RBFOX1: variants seen among roughly 807,000 people sequenced by gnomAD.
The protein encoded by RBFOX1 is RNA binding protein fox-1 homolog 1.
RBFOX1 carries 8 observed loss-of-function variants against 57.7 expected under a neutral mutation model. The observed-to-expected ratio is 0.14, with a 90% confidence interval of 0.08 to 0.25. RBFOX1 has a LOEUF of 0.25. Ranked by LOEUF, RBFOX1 falls within the 10% of genes least tolerant of loss-of-function variation. The probability of loss-of-function intolerance (pLI) is 1.00; values close to 1 mark genes in which losing one functional copy is unlikely to be tolerated. For synonymous variants in RBFOX1, 326 were observed against 222.4 expected, an observed-to-expected ratio of 1.47 and a Z score of -4.15; for missense variants, 611 against 548.5, an observed-to-expected ratio of 1.11 and a Z score of -1.14.
chr16:6,497,556 G>GTTT (rs112257418), intron 2 of RBFOX1, among the ~76,000 whole-genome samples: 1 of 64,684 alleles, frequency 1.5e-5, no homozygotes, highest in Non-Finnish European at 3.5e-5. Flanking sequence ...GATTTTTGAA[G>GTTT]TTTTTAAAAA....
At chr16:5,603,355 G>A (rs1409446745), downstream of RBFOX1, among the ~76,000 whole-genome samples, 3 of 152,056 alleles carry the variant, frequency 2.0e-5, no homozygotes, top group Non-Finnish European at 4.4e-5. Flanking sequence ...GGGAAACTGA[G>A]GCTCAGAAGG....
intron 4 of RBFOX1, among the ~76,000 whole-genome samples, chr16:7,245,149 A>T (rs1223069182): frequency 6.6e-6 from 1 of 152,184 alleles, no homozygotes; most frequent in Non-Finnish European, 1.5e-5. Context: ...TATTGATAAC[A>T]TAGAACAGTG....
exon 3 of RBFOX1, chr16:5,599,327 C>T (rs145712833): frequency 0.017 from 10,189 of 616,474 alleles, 142 homozygotes; most frequent in South Asian, 0.04. Context: ...AGTCGAATGT[C>T]ATTGGGTTGT....
intron 2 of RBFOX1, among the ~76,000 whole-genome samples, chr16:6,426,248 G>T (rs1212524208): frequency 1.3e-5 from 2 of 151,856 alleles, no homozygotes; most frequent in African/African-American, 4.8e-5. Context: ...TAGAAAGGCA[G>T]GTTCAAAAAC....
At chr16:7,219,864 A>T (rs1028158295) in intron 4 of RBFOX1, among the ~76,000 whole-genome samples, 1 of 152,214 alleles carries the variant, frequency 6.6e-6, no homozygotes, top group South Asian at 2.1e-4. Context: ...GAGTGTATTT[A>T]TATAAAGAAG....
intron 3 of RBFOX1, among the ~76,000 whole-genome samples, chr16:5,818,474 T>C (rs950223829): frequency 1.3e-5 from 2 of 152,186 alleles, no homozygotes; most frequent in Admixed American, 6.5e-5. Context: ...ATAAGTTTTT[T>C]GAGCACCAGC....
rs763558911 is a variant in RBFOX1, at chr16:6,959,751, A to G, written c.-15-92306A>G. Among the ~76,000 whole-genome samples the G allele has an allele frequency of 2.0e-5, 3 of 152,168 alleles. No individual in the cohort carries two copies. In the South Asian group the frequency reaches 6.2e-4, roughly 32 times the overall value. On this transcript the variant is annotated intron_variant, in intron 3 of 15. Transcript: ENST00000550418. ...CAGGAGTTCGAGACCAGCCTGGCCA[A>G]CATGGTGAAACCCCGTTTCTACCAA...
At chr16:6,637,787 G>T (rs564990642) in intron 2 of RBFOX1, among the ~76,000 whole-genome samples, 1 of 151,938 alleles carries the variant, frequency 6.6e-6, no homozygotes, top group East Asian at 1.9e-4. Context: ...TTATTTAGCA[G>T]GAGGGCAGGA....
intron 4 of RBFOX1, among the ~76,000 whole-genome samples, chr16:7,454,438 G>T (rs1598814407): frequency 6.6e-6 from 1 of 152,280 alleles, no homozygotes. Context: ...TCGTGTTCTA[G>T]CCCTGCAGCT....
chr16:5,337,980 G>A (rs1431415317), intron 1 of RBFOX1, among the ~76,000 whole-genome samples: 1 of 152,172 alleles, frequency 6.6e-6, no homozygotes, highest in East Asian at 1.9e-4. Context: ...GGAGATTGAG[G>A]CTGCAGTGAA....
rs375098706 is a variant in RBFOX1 at position 7,189,007 on chromosome 16, G to A, written c.27+136909G>A. 4.1e-4 allele frequency among the ~76,000 whole-genome samples: 63 copies of A among 152,270 alleles called. No individual in the cohort carries two copies. The South Asian group carries it at 0.013, about 32-fold the overall frequency. ...TTGGTTCAAGAACATCAGGCTAGAG[G>A]CAAGTCAAGACCTTAAGGCATTTGG... On this transcript the variant is annotated intron_variant, in intron 4 of 15. Coordinates refer to ENST00000550418, the MANE Select transcript of RBFOX1 (RefSeq NM_018723.4).
In RBFOX1 at chr16:7,311,001, C is replaced by T. The variant is rs570738786; in HGVS notation, c.28-207146C>T. Among the ~76,000 whole-genome samples, 14 of 152,324 alleles carry T rather than the reference C, an allele frequency of 9.2e-5. No homozygotes were observed. In the East Asian group the frequency reaches 1.5e-3, roughly 17 times the overall value. Reference sequence around the variant, plus strand: ...TTGCCTGGGAATCCTCTGCCGTGTCCGGTCTGGAATTACTCCTTCCGCTAC... The same window carrying T: ...TTGCCTGGGAATCCTCTGCCGTGTCTGGTCTGGAATTACTCCTTCCGCTAC... On this transcript the variant is annotated intron_variant, in intron 4 of 15. Transcript: ENST00000550418.
chr16:7,507,861 C>T (rs1567573241), intron 4 of RBFOX1, among the ~76,000 whole-genome samples: 2 of 152,010 alleles, frequency 1.3e-5, no homozygotes, highest in East Asian at 3.9e-4. Context: ...CGGCGCCCGG[C>T]CGGAATCTGT....
chr16:5,480,085 GC>G (rs2069472703), intron 2 of RBFOX1, among the ~76,000 whole-genome samples: 1 of 152,182 alleles, frequency 6.6e-6, no homozygotes, highest in South Asian at 2.1e-4. Context: ...GTCCAGGGTG[GC>G]TCACATGCTT....
chr16:7,307,623 A>G (rs76482966), intron 4 of RBFOX1, among the ~76,000 whole-genome samples: 3,042 of 152,262 alleles, frequency 0.02, 114 homozygotes, highest in African/African-American at 0.07. Flanking sequence ...CTCCACATCC[A>G]AGATGTTACT....
At chr16:6,306,337 A>C (rs1473353243) in intron 1 of RBFOX1, among the ~76,000 whole-genome samples, 3 of 152,170 alleles carry the variant, frequency 2.0e-5, no homozygotes, top group African/African-American at 4.8e-5. Flanking sequence ...CTTTCCCTTC[A>C]AGCCCTGCTG....
chr16:5,771,463 C>A (rs2053973888), intron 3 of RBFOX1, among the ~76,000 whole-genome samples: 1 of 152,322 alleles, frequency 6.6e-6, no homozygotes, highest in South Asian at 2.1e-4. Context: ...GGCTGGAGTG[C>A]AGTAGAATGA....
intron 1 of RBFOX1, among the ~76,000 whole-genome samples, chr16:6,130,560 A>T (rs577031156): frequency 1.8e-4 from 27 of 152,264 alleles, no homozygotes; most frequent in African/African-American, 6.3e-4. Flanking sequence ...TGGACTAAAC[A>T]CTCCACTTAA....
At chr16:6,496,634 A>G (rs543168668) in intron 2 of RBFOX1, among the ~76,000 whole-genome samples, 29 of 152,120 alleles carry the variant, frequency 1.9e-4, no homozygotes, top group Non-Finnish European at 3.2e-4. Context: ...GAAGACACCA[A>G]TGCTCTTGGG....
Sources: gnomAD v4.1 joint callset for allele counts (sites outside exome capture counted in the v4.1 genomes callset) on GRCh38, gnomAD v4.1.1 for gene constraint, MANE v1.5 for transcripts, NCBI Gene and HGNC (gene_info 2026-07-23, HGNC 2026-07-21) for gene names.